Variants in WWOX observed in about 807,000 individuals in gnomAD.
The protein encoded by WWOX is WW domain containing oxidoreductase.
Under a neutral mutation model 46.2 loss-of-function variants are expected in WWOX, and 69 were observed. That is an observed-to-expected ratio of 1.49 (90% CI 1.23 to 1.82). The LOEUF (loss-of-function observed/expected upper bound fraction) is 1.82. Among genes scored for constraint, WWOX ranks in the 40% most tolerant of loss-of-function variants. WWOX has a pLI of 0.00. For missense variants in WWOX, 919 were observed against 542.6 expected (o/e 1.69, Z -6.89); for synonymous variants, 359 against 202.6 (o/e 1.77, Z -6.56).
chr16:78,879,291 G>A (rs939343708), intron 8 of WWOX, among the ~76,000 whole-genome samples: 34 of 152,156 alleles, frequency 2.2e-4, no homozygotes, highest in Admixed American at 1.7e-3. Context: ...ATCTCAGTAT[G>A]AGACACCGTA....
At chr16:78,967,523 T>C (rs1012120677) in intron 8 of WWOX, among the ~76,000 whole-genome samples, 35 of 148,982 alleles carry the variant, frequency 2.3e-4, no homozygotes, top group African/African-American at 8.7e-4. Context: ...CAGGCTGGTT[T>C]CAAACTCCTG....
intron 8 of WWOX, among the ~76,000 whole-genome samples, chr16:78,906,166 A>C (rs1344390145): frequency 1.3e-5 from 2 of 152,176 alleles, no homozygotes. Flanking sequence ...AACCTCAGCC[A>C]TCTAGGGACA....
At chr16:78,411,253 G>C (rs1052986594) in intron 6 of WWOX, among the ~76,000 whole-genome samples, 3 of 152,144 alleles carry the variant, frequency 2.0e-5, no homozygotes, top group Admixed American at 1.3e-4. Flanking sequence ...CAGTGCGTTT[G>C]AGATCCATGT....
chr16:78,778,460 G>C (rs1010553655), intron 8 of WWOX, among the ~76,000 whole-genome samples: 12 of 152,198 alleles, frequency 7.9e-5, no homozygotes, highest in Admixed American at 7.2e-4. Flanking sequence ...TTGTTGACTG[G>C]GATGTCACAT....
At chr16:78,516,004 C>T (rs62033973) in intron 8 of WWOX, among the ~76,000 whole-genome samples, 10 of 152,162 alleles carry the variant, frequency 6.6e-5, no homozygotes, top group Non-Finnish European at 1.5e-4. Flanking sequence ...CCCCTTTTCT[C>T]TTCTCTCCCC....
intron 8 of WWOX, among the ~76,000 whole-genome samples, chr16:78,443,830 C>T (rs1455385495): frequency 2.0e-5 from 3 of 151,950 alleles, no homozygotes; most frequent in Non-Finnish European, 4.4e-5. Context: ...TTCTTTGATC[C>T]TCCCCTCTTT....
intron 8 of WWOX, among the ~76,000 whole-genome samples, chr16:78,893,881 T>C (rs2044643802): frequency 6.6e-6 from 1 of 152,100 alleles, no homozygotes. Flanking sequence ...AACACAAGAT[T>C]TTCTAGATGC....
chr16:78,889,195 A>G (rs770561914), intron 8 of WWOX, among the ~76,000 whole-genome samples: 11 of 152,208 alleles, frequency 7.2e-5, no homozygotes, highest in Non-Finnish European at 1.3e-4. Context: ...TTGGCAAATG[A>G]CAGTCATTTT....
At chr16:78,511,926 C>T (rs1197312495) in intron 8 of WWOX, among the ~76,000 whole-genome samples, 1 of 152,216 alleles carries the variant, frequency 6.6e-6, no homozygotes, top group Admixed American at 6.5e-5. Flanking sequence ...CCAGCTACTT[C>T]TGTTTACACA....
chr16:78,770,602 C>A (rs1173145499), intron 8 of WWOX, among the ~76,000 whole-genome samples: 1 of 152,156 alleles, frequency 6.6e-6, no homozygotes, highest in Non-Finnish European at 1.5e-5. Flanking sequence ...GAGGTGCCTA[C>A]CAAGGAAGTC....
intron 8 of WWOX, among the ~76,000 whole-genome samples, chr16:79,014,284 G>T (rs547325991): frequency 6.6e-6 from 1 of 152,144 alleles, no homozygotes; most frequent in African/African-American, 2.4e-5. Flanking sequence ...ATGCCCACCC[G>T]GTGATTTATA....
chr16:78,688,847 A>C (rs989562060), intron 8 of WWOX, among the ~76,000 whole-genome samples: 3 of 152,150 alleles, frequency 2.0e-5, no homozygotes, highest in African/African-American at 7.2e-5. Context: ...TCATGTGTGC[A>C]GTTACCCCCA....
At chr16:78,813,937 T>G (rs953318276) in intron 8 of WWOX, among the ~76,000 whole-genome samples, 2 of 152,232 alleles carry the variant, frequency 1.3e-5, no homozygotes, top group African/African-American at 4.8e-5. Context: ...AGTGTTAACC[T>G]TCCTGAAGCT....
chr16:78,983,202 A>T (rs1482519599), intron 8 of WWOX, among the ~76,000 whole-genome samples: 1 of 152,216 alleles, frequency 6.6e-6, no homozygotes, highest in Non-Finnish European at 1.5e-5. Context: ...GAAAGAGCTG[A>T]AACATAGACC....
intron 5 of WWOX, among the ~76,000 whole-genome samples, chr16:78,258,449 G>A (rs564141650): frequency 2.0e-5 from 3 of 152,154 alleles, no homozygotes; most frequent in African/African-American, 7.2e-5. Context: ...TTTTCCTTTG[G>A]AAAACTAGAT....
At chr16:78,866,670 C>G (rs191545565) in intron 8 of WWOX, among the ~76,000 whole-genome samples, 3 of 152,198 alleles carry the variant, frequency 2.0e-5, no homozygotes, top group African/African-American at 4.8e-5. Flanking sequence ...TGGCTTGCAA[C>G]GTAGCCTGAT....
intron 8 of WWOX, among the ~76,000 whole-genome samples, chr16:78,909,553 T>G (rs1297284131): frequency 1.3e-5 from 2 of 152,174 alleles, no homozygotes; most frequent in Non-Finnish European, 2.9e-5. Flanking sequence ...ACCCTCAGCC[T>G]CTCTTTGGCC....
intron 5 of WWOX, among the ~76,000 whole-genome samples, chr16:78,175,608 G>T (rs1413162324): frequency 6.6e-6 from 1 of 152,156 alleles, no homozygotes; most frequent in Non-Finnish European, 1.5e-5. Context: ...CACCAGCCAT[G>T]TATATGATCC....
At chr16:78,420,238 C>G (rs1050809771) in intron 6 of WWOX, among the ~76,000 whole-genome samples, 17 of 151,998 alleles carry the variant, frequency 1.1e-4, no homozygotes, top group Non-Finnish European at 2.1e-4. Flanking sequence ...ATTGAATTAC[C>G]ATATGACCCA....
Sources: allele counts gnomAD v4.1 joint callset (sites outside exome capture counted in the v4.1 genomes callset), GRCh38; gene constraint gnomAD v4.1.1; transcripts MANE v1.5; gene names NCBI Gene and HGNC (gene_info 2026-07-23, HGNC 2026-07-21).